ASXL2: variants seen among roughly 807,000 people sequenced by gnomAD.
ASXL2 encodes the protein putative Polycomb group protein ASXL2.
ASXL2 carries 23 observed loss-of-function variants against 122.0 expected under a neutral mutation model. The ratio of observed to expected loss-of-function variants is 0.19; its 90% CI spans 0.14 to 0.27. ASXL2 has a LOEUF of 0.27. ASXL2 is among the 10% of genes least tolerant of loss of function. ASXL2 has a pLI of 1.00. For missense variants in ASXL2, 1,518 were observed against 1,713.8 expected (o/e 0.89, Z 2.02); for synonymous variants, 650 against 637.0 (o/e 1.02, Z -0.31).
At chr2:25,776,051 T>C (rs186451448) in intron 5 of ASXL2, among the ~76,000 whole-genome samples, 52 of 152,340 alleles carry the variant, frequency 3.4e-4, no homozygotes, top group Non-Finnish European at 1.2e-4. Flanking sequence ...ATTAAATTTA[T>C]TTTGAAAATG....
chr2:25,866,163 G>C (rs1314312070), intron 1 of ASXL2, among the ~76,000 whole-genome samples: 1 of 145,444 alleles, frequency 6.9e-6, no homozygotes, highest in South Asian at 2.1e-4. Context: ...GTGGAGTCTC[G>C]CTCTGTCGCA....
At chr2:25,838,890 A>C (rs2089545829) in intron 2 of ASXL2, among the ~76,000 whole-genome samples, 1 of 152,154 alleles carries the variant, frequency 6.6e-6, no homozygotes, top group Non-Finnish European at 1.5e-5. Context: ...CTTTGGTTTT[A>C]TTTCCAGTGT....
chr2:25,790,989 G>C (rs544411306), intron 5 of ASXL2, among the ~76,000 whole-genome samples: 1 of 151,410 alleles, frequency 6.6e-6, no homozygotes, highest in East Asian at 1.9e-4. Context: ...TAGAGACAAG[G>C]TCTCACCATG....
In ASXL2 at chr2:25,738,892, CCA is replaced by C. The variant is rs1417653377; in HGVS notation, c.*3135_*3136del. 6.6e-6 allele frequency: 1 copy of C among 152,158 alleles called. No individual in the cohort carries two copies. The highest frequency in any genetic ancestry group is 1.5e-5 in the Non-Finnish European group (1 of 68,024). 9.4% of individuals were successfully genotyped at this position (152,158 alleles called of 1,614,324 possible). A position where few individuals can be genotyped will look rare whatever the true frequency, so the allele number is the denominator to read the frequency against. ...ATTCTTAGAAATGTTACATGAAATA[CCA>C]CAGATAGCTTCAGTATCTTGAGCAT... On this transcript the variant is annotated 3_prime_UTR_variant, in exon 13 of 13. Coordinates refer to ENST00000435504, the MANE Select transcript of ASXL2 (RefSeq NM_018263.6).
chr2:25,875,189 G>A (rs1237214195), intron 1 of ASXL2, among the ~76,000 whole-genome samples: 1 of 152,232 alleles, frequency 6.6e-6, no homozygotes, highest in African/African-American at 2.4e-5. Flanking sequence ...TGTAGTGAAT[G>A]CACATTCAAG....
intron 5 of ASXL2, among the ~76,000 whole-genome samples, chr2:25,787,350 C>A (rs559335219): frequency 1.3e-5 from 2 of 152,328 alleles, no homozygotes; most frequent in South Asian, 4.1e-4. Context: ...TGCAAACCCA[C>A]TGCAGGAATA....
rs567934582 is a variant in ASXL2 at position 25,748,150 on chromosome 2, C to T, written c.1860+1546G>A. On this transcript the variant is annotated intron_variant, in intron 12 of 12. Transcript: ENST00000435504. The stretch of plus-strand genomic sequence containing the variant: ...CCAAGATTGCATCACTGCATTCCAG[C>T]CTGGACGACAGTGCAAGACTCCATC... Among the ~76,000 whole-genome samples the T allele has an allele frequency of 7.2e-5, 11 of 151,860 alleles. No individual in the cohort carries two copies. The South Asian group carries it at 8.3e-4, about 12-fold the overall frequency.
intron 1 of ASXL2, among the ~76,000 whole-genome samples, chr2:25,877,806 C>T (rs2090022118): frequency 6.6e-6 from 1 of 152,226 alleles, no homozygotes; most frequent in African/African-American, 2.4e-5. Context: ...AATGGGGGCT[C>T]TCCAGCCGCA....
intron 3 of ASXL2, among the ~76,000 whole-genome samples, chr2:25,823,628 GTTGT>G (rs1402928267): frequency 6.6e-6 from 1 of 152,010 alleles, no homozygotes; most frequent in East Asian, 1.9e-4. Context: ...GCTGTACATT[GTTGT>G]TTGTTTAAGA....
intron 5 of ASXL2, among the ~76,000 whole-genome samples, chr2:25,781,702 C>T (rs1422706341): frequency 9.4e-5 from 13 of 137,628 alleles, no homozygotes; most frequent in African/African-American, 3.6e-4. Flanking sequence ...AGAGTCATTG[C>T]TCTGTTGCCT....
In ASXL2 at chr2:25,743,079, T is replaced by C. The variant is rs761182972; in HGVS notation, c.3258A>G (p.Ser1086=). 2.5e-6 allele frequency: 4 copies of C among 1,613,894 alleles called. No individual in the cohort carries two copies. The highest frequency in any genetic ancestry group is 2.5e-6 in the Non-Finnish European group (3 of 1,179,906). ...AACCTGAGTGAGCGAAGTTGAACTG[T>C]GAGGGCGGCACAACTGAGAGAAGAT... is the stretch of plus-strand genomic sequence containing the variant. The part of the protein sequence containing the change: ...RQNLLSVVPP[S]QFNFAHSGFQ... Residue 1086 remains serine (S), a synonymous_variant, in exon 13 of 13, where the codon TCA becomes TCG. Coordinates refer to ENST00000435504, the MANE Select transcript of ASXL2 (RefSeq NM_018263.6).
At chr2:25,832,041 T>C (rs942621096) in intron 3 of ASXL2, among the ~76,000 whole-genome samples, 1 of 152,096 alleles carries the variant, frequency 6.6e-6, no homozygotes, top group Non-Finnish European at 1.5e-5. Flanking sequence ...CTAAGAGAAG[T>C]AGAACTATTC....
intron 3 of ASXL2, among the ~76,000 whole-genome samples, chr2:25,807,724 G>C (rs146805374): frequency 3.9e-5 from 6 of 152,214 alleles, no homozygotes; most frequent in Non-Finnish European, 7.4e-5. Flanking sequence ...TACCCTCATA[G>C]ACTGTTGGTG....
intron 5 of ASXL2, among the ~76,000 whole-genome samples, chr2:25,786,098 T>A (rs1379246790): frequency 1.3e-5 from 2 of 152,198 alleles, no homozygotes; most frequent in Non-Finnish European, 1.5e-5. Context: ...TATAATTCAC[T>A]ACAGGAATTA....
intron 6 of ASXL2, 77 bp from the exon 7 acceptor site, chr2:25,768,945 A>G (rs1445161871): frequency 6.8e-7 from 1 of 1,477,774 alleles, no homozygotes; most frequent in African/African-American, 1.4e-5. Context: ...TCTTTTTTAA[A>G]TGGCAAGAAG....
chr2:25,852,145 A>C (rs1308563877), intron 1 of ASXL2, among the ~76,000 whole-genome samples: 4 of 152,188 alleles, frequency 2.6e-5, no homozygotes, highest in Non-Finnish European at 5.9e-5. Context: ...ATTCCACTGA[A>C]CTGCTCATGG....
rs371883962 is a variant in ASXL2, at chr2:25,742,630, G to A, written c.3707C>T (p.Pro1236Leu). 75 of 1,613,816 alleles carry A rather than the reference G, an allele frequency of 4.6e-5. No individual in the cohort carries two copies. The highest frequency in any genetic ancestry group is 6.2e-5 in the Non-Finnish European group (73 of 1,179,890). The change falls in exon 13 of 13, where the codon CCA becomes CTA. Residue 1236 changes from proline to leucine, a missense_variant. Physicochemically the swap from Pro to Leu is moderately conservative, Grantham distance 98. Transcript: ENST00000435504. The stretch of plus-strand genomic sequence containing the variant: ...ACTTAAAGTGGTTTGCTCATTCAAT[G>A]GTATCTCAGCCTTCACATTCTTGCT... ...LASKNVKAEI[P>L]LNEQTTLSKE...
intron 1 of ASXL2, chr2:25,856,847 G>A: frequency 1.1e-6 from 1 of 897,888 alleles, no homozygotes; most frequent in Non-Finnish European, 1.8e-6. Context: ...CCCCTGAGAG[G>A]AACGAGGTCC....
intron 5 of ASXL2, among the ~76,000 whole-genome samples, chr2:25,778,116 G>C (rs2088577130): frequency 6.6e-6 from 1 of 152,140 alleles, no homozygotes; most frequent in South Asian, 2.1e-4. Context: ...GCTGATAATG[G>C]TGGCAACCAA....
Sources: gnomAD v4.1 joint callset for allele counts (sites outside exome capture counted in the v4.1 genomes callset) on GRCh38, gnomAD v4.1.1 for gene constraint, MANE v1.5 for transcripts, NCBI Gene and HGNC (gene_info 2026-07-23, HGNC 2026-07-21) for gene names.